SEMA6D: variants seen among roughly 807,000 people sequenced by gnomAD.
SEMA6D encodes semaphorin 6D.
In SEMA6D, 35 loss-of-function variants were observed where a neutral mutation model predicts 106.6. The ratio of observed to expected loss-of-function variants is 0.33; its 90% CI spans 0.25 to 0.44. The LOEUF (loss-of-function observed/expected upper bound fraction) is 0.44, where lower values mean the gene tolerates loss of function less well. Among genes scored for constraint, SEMA6D ranks in the 20% least tolerant of loss-of-function variants. The pLI is 1.00. For synonymous variants in SEMA6D, 499 were observed against 487.7 expected (o/e 1.02, Z -0.31); for missense variants, 1,185 against 1,345.9 (o/e 0.88, Z 1.87).
At chr15:47,720,404 C>T (rs756796529) in intron 1 of SEMA6D, among the ~76,000 whole-genome samples, 3 of 150,702 alleles carry the variant, frequency 2.0e-5, no homozygotes, top group Non-Finnish European at 4.4e-5. Flanking sequence ...CCTCTTCTTT[C>T]TCTCTTTTTT....
chr15:47,384,831 T>G (rs667760), intron 1 of SEMA6D, among the ~76,000 whole-genome samples: 1,637 of 145,036 alleles, frequency 0.011, 51 homozygotes, highest in African/African-American at 0.04. Flanking sequence ...TTTTTTTTTT[T>G]TTTTTTTTTT....
intron 1 of SEMA6D, among the ~76,000 whole-genome samples, chr15:47,340,776 C>T (rs187540938): frequency 1.1e-4 from 17 of 152,194 alleles, no homozygotes; most frequent in African/African-American, 3.6e-4. Flanking sequence ...AGTACTGATT[C>T]GAATAGATAG....
intron 2 of SEMA6D, among the ~76,000 whole-genome samples, chr15:47,428,791 G>T (rs971126753): frequency 6.6e-6 from 1 of 151,864 alleles, no homozygotes; most frequent in African/African-American, 2.4e-5. Context: ...GGTAAGATGG[G>T]TTTCTTATGA....
rs187316067 is a variant in SEMA6D at position 47,356,488 on chromosome 15, G to A, written c.-238-55905G>A. On this transcript the variant is annotated intron_variant, in intron 1 of 19. Coordinates refer to the SEMA6D transcript ENST00000558014. ...CTAGTGTTGAAGGATCTGTTCACCA[G>A]GGATTGTGCTGTGGGAAGATGAGGA... 2.0e-5 allele frequency among the ~76,000 whole-genome samples: 3 copies of A among 152,104 alleles called. No homozygotes were observed. The East Asian group carries it at 5.8e-4, about 29-fold the overall frequency.
chr15:47,678,497 A>G (rs1165142004), intron 4 of SEMA6D, among the ~76,000 whole-genome samples: 1 of 152,170 alleles, frequency 6.6e-6, no homozygotes, highest in Non-Finnish European at 1.5e-5. Context: ...CCTTACATCA[A>G]CACTATGATA....
intron 1 of SEMA6D, among the ~76,000 whole-genome samples, chr15:47,188,497 T>G (rs1893725225): frequency 1.3e-5 from 2 of 152,134 alleles, no homozygotes; most frequent in Non-Finnish European, 2.9e-5. Flanking sequence ...TTCTGATAAA[T>G]TAGTATTTTT....
chr15:47,603,167 G>C (rs1198000698), intron 4 of SEMA6D, among the ~76,000 whole-genome samples: 1 of 152,084 alleles, frequency 6.6e-6, no homozygotes, highest in Admixed American at 6.5e-5. Flanking sequence ...TTCATCATGG[G>C]GTAGGAGGGG....
At chr15:47,421,857 A>G (rs549872001) in intron 2 of SEMA6D, among the ~76,000 whole-genome samples, 38 of 152,206 alleles carry the variant, frequency 2.5e-4, no homozygotes, top group Admixed American at 5.9e-4. Context: ...AGTGTGTAGG[A>G]CTACAAACAG....
chr15:47,453,775 A>G (rs541475452), intron 2 of SEMA6D, among the ~76,000 whole-genome samples: 2 of 151,922 alleles, frequency 1.3e-5, no homozygotes, highest in Non-Finnish European at 1.5e-5. Flanking sequence ...TGTGGATACC[A>G]TCTTTGGCCA....
chr15:47,670,337 A>G (rs1437628437), intron 4 of SEMA6D, among the ~76,000 whole-genome samples: 4 of 152,184 alleles, frequency 2.6e-5, no homozygotes, highest in Non-Finnish European at 5.9e-5. Context: ...CGCAGAGAAC[A>G]TGGTACCTTA....
intron 1 of SEMA6D, among the ~76,000 whole-genome samples, chr15:47,374,090 A>C (rs1251888057): frequency 6.6e-6 from 1 of 152,190 alleles, no homozygotes; most frequent in Non-Finnish European, 1.5e-5. Flanking sequence ...CTAGCAAATA[A>C]AAAGGATAAC....
chr15:47,644,766 C>T (rs138019973), intron 4 of SEMA6D, among the ~76,000 whole-genome samples: 1 of 152,326 alleles, frequency 6.6e-6, no homozygotes, highest in African/African-American at 2.4e-5. Flanking sequence ...TATTCCATTA[C>T]AGCAGCACCA....
intron 1 of SEMA6D, among the ~76,000 whole-genome samples, chr15:47,411,606 TA>T (rs1400398792): frequency 6.6e-6 from 1 of 152,154 alleles, no homozygotes; most frequent in African/African-American, 2.4e-5. Context: ...TGACATTTTC[TA>T]ACTTTAAAAC....
intron 3 of SEMA6D, among the ~76,000 whole-genome samples, chr15:47,551,765 G>A (rs754647682): frequency 1.3e-5 from 2 of 150,630 alleles, no homozygotes; most frequent in Admixed American, 6.7e-5. Flanking sequence ...TGACCAAAAG[G>A]ACTTCAACCA....
At chr15:47,581,794 T>C (rs2076259070) in intron 3 of SEMA6D, among the ~76,000 whole-genome samples, 1 of 152,216 alleles carries the variant, frequency 6.6e-6, no homozygotes, top group African/African-American at 2.4e-5. Flanking sequence ...CCACTACTGA[T>C]TGAAGCACCT....
At chr15:47,441,221 A>C (rs1180107911) in intron 2 of SEMA6D, among the ~76,000 whole-genome samples, 1 of 152,080 alleles carries the variant, frequency 6.6e-6, no homozygotes, top group African/African-American at 2.4e-5. Flanking sequence ...CCAGTTCCTG[A>C]CCAAACATTT....
intron 1 of SEMA6D, among the ~76,000 whole-genome samples, chr15:47,185,502 T>A (rs983534057): frequency 1.3e-5 from 2 of 152,178 alleles, no homozygotes; most frequent in Middle Eastern, 3.4e-3. Flanking sequence ...TTTCGCCCCC[T>A]CCCTCCTTTT....
intron 1 of SEMA6D, chr15:47,731,002 T>C (rs2146674467): frequency 3.3e-6 from 2 of 608,066 alleles, no homozygotes; most frequent in Non-Finnish European, 5.8e-6. Flanking sequence ...TCAAATACCA[T>C]GCTGATTTTA....
intron 1 of SEMA6D, among the ~76,000 whole-genome samples, chr15:47,410,741 A>G (rs1259455589): frequency 1.3e-5 from 2 of 152,158 alleles, no homozygotes; most frequent in Non-Finnish European, 2.9e-5. Flanking sequence ...AGGCCAAAGA[A>G]TCTGTGTTGT....
Sources: allele counts gnomAD v4.1 joint callset (sites outside exome capture counted in the v4.1 genomes callset), GRCh38; gene constraint gnomAD v4.1.1; transcripts MANE v1.5; gene names NCBI Gene and HGNC (gene_info 2026-07-23, HGNC 2026-07-21).